Variants in WIPI2 observed in about 807,000 individuals in gnomAD.
WIPI2 encodes WD repeat domain phosphoinositide-interacting protein 2.
A neutral mutation model predicts 52.3 loss-of-function variants in WIPI2; 28 were observed. That is an observed-to-expected ratio of 0.54 (90% CI 0.40 to 0.73). The LOEUF is 0.73. Among genes scored for constraint, WIPI2 ranks in the 30% least tolerant of loss-of-function variants. WIPI2 has a pLI of 0.00. For missense variants in WIPI2, 506 were observed against 602.9 expected (o/e 0.84, Z 1.68); for synonymous variants, 268 against 245.0 (o/e 1.09, Z -0.88).
At chr7:5,219,857 G>T (rs1783015931) in intron 7 of WIPI2, among the ~76,000 whole-genome samples, 2 of 151,504 alleles carry the variant, frequency 1.3e-5, no homozygotes, top group South Asian at 4.2e-4. Flanking sequence ...TTTGAGACAG[G>T]GTCATGCTTG....
chr7:5,225,538 C>T (rs1783386506), intron 8 of WIPI2, among the ~76,000 whole-genome samples: 1 of 152,144 alleles, frequency 6.6e-6, no homozygotes, highest in Non-Finnish European at 1.5e-5. Flanking sequence ...TTTTACTCAC[C>T]TTAGGACTAT....
chr7:5,227,208 G>T lies in WIPI2; in HGVS notation c.877G>T (p.Gly293Trp). ...CCCAGAGGAGCCCACCACCTGGACC[G>T]GGTACTTCGGGAAAGTGCTCATGGC... ...KPPEEPTTWT[G>W]YFGKVLMAST... The change falls in exon 10 of 13, where the codon GGG becomes TGG. Residue 293 changes from glycine (G) to tryptophan (W), a missense_variant. Around this residue, in one of 4 missense-constraint regions of WIPI2, gnomAD observed 237 missense variants for 346.9 expected, o/e 0.68. Transcript: ENST00000288828. This position sits in a 1 kb window ranked among gnomAD's most constrained non-coding sequence, Gnocchi z 8.1. 1 of 1,614,008 alleles carries T rather than the reference G, an allele frequency of 6.2e-7. No homozygotes were observed. The highest frequency in any genetic ancestry group is 8.5e-7 in the Non-Finnish European group (1 of 1,180,020).
chr7:5,224,905 C>T (rs1783351467), intron 8 of WIPI2, among the ~76,000 whole-genome samples: 1 of 152,154 alleles, frequency 6.6e-6, no homozygotes, highest in African/African-American at 2.4e-5. Context: ...TCGTTTGCAC[C>T]TCCCTGACCC....
Position 5,229,667 on chromosome 7 carries a change from C to G in WIPI2, c.1181C>G (p.Pro394Arg). The part of the protein sequence containing the change: ...EILDSASHDC[P>R]LVTQTYGAAA... ...TTGGACTCTGCCTCTCACGACTGCC[C>G]CTTAGTCACTCAGACATACGGCGCA... is the stretch of plus-strand genomic sequence containing the variant. The change falls in exon 12 of 13, where the codon CCC becomes CGC. Residue 394 changes from proline (P) to arginine (R), a missense_variant. Around this residue, in one of 4 missense-constraint regions of WIPI2, gnomAD observed 194 missense variants for 175.1 expected, o/e 1.11. Transcript: ENST00000288828. 1 of 1,614,058 alleles carries G rather than the reference C, an allele frequency of 6.2e-7. No individual in the cohort carries two copies. Among genetic ancestry groups the G allele is most frequent in the South Asian group, 1.1e-5 (1 of 91,058 alleles).
intron 1 of WIPI2, among the ~76,000 whole-genome samples, chr7:5,192,846 C>G (rs577086385): frequency 6.6e-6 from 1 of 152,228 alleles, no homozygotes; most frequent in East Asian, 1.9e-4. Flanking sequence ...AAAGAATGAC[C>G]GTCTAGAACT....
At chr7:5,190,715 A>T (rs953708665) in intron 1 of WIPI2, 1 of 395,734 alleles carries the variant, frequency 2.5e-6, no homozygotes, top group Non-Finnish European at 4.4e-6. Context: ...GGAGCGGGAG[A>T]GGTGGTGGAG....
In WIPI2 at chr7:5,214,682, T is replaced by C; in HGVS notation, c.359T>C (p.Leu120Pro). 1 of 1,614,188 alleles carries C rather than the reference T, an allele frequency of 6.2e-7. No homozygotes were observed. Among genetic ancestry groups the C allele is most frequent in the Non-Finnish European group, 8.5e-7 (1 of 1,180,040 alleles). ...ICNYSYSNTI[L>P]AVKLNRQRLI... is the part of the protein sequence containing the mutation. ...AACTACAGCTACTCCAACACGATTC[T>C]GGCTGTGAAGCTCAACAGGCAGGTG... Residue 120 changes from leucine to proline, a missense_variant, in exon 4 of 13, where the codon CTG becomes CCG. Transcript: ENST00000288828.
intron 3 of WIPI2, among the ~76,000 whole-genome samples, chr7:5,211,574 A>G (rs765954561): frequency 4.6e-5 from 7 of 152,246 alleles, no homozygotes; most frequent in Non-Finnish European, 8.8e-5. Context: ...AGGTGAGTTC[A>G]CAGATACTGA....
At chr7:5,209,110 A>C (rs961202909) in intron 3 of WIPI2, among the ~76,000 whole-genome samples, 2 of 142,564 alleles carry the variant, frequency 1.4e-5, no homozygotes, top group African/African-American at 5.2e-5. Flanking sequence ...AAAGAAAATT[A>C]TTTCACTGAG....
At chr7:5,226,946 A>G in intron 9 of WIPI2, 1 of 542,484 alleles carries the variant, frequency 1.8e-6, no homozygotes, top group Non-Finnish European at 3.3e-6. Context: ...TCCGTGGCCA[A>G]AGGCTGTAGC....
At chr7:5,197,718 G>A (rs1486007110) in intron 2 of WIPI2, among the ~76,000 whole-genome samples, 1 of 152,128 alleles carries the variant, frequency 6.6e-6, no homozygotes, top group East Asian at 1.9e-4. Flanking sequence ...TAAATCACAT[G>A]ATCATTAAAA....
Position 5,218,132 on chromosome 7 carries a change from A to G in WIPI2, c.669+118A>G, listed in dbSNP as rs1234619115. ...TATACTTACCAGCTCCGGGAGAAGCAAAGACAGCCACCCACTTGTCAGGCC... is the reference window on the plus strand; with the variant it reads ...TATACTTACCAGCTCCGGGAGAAGCGAAGACAGCCACCCACTTGTCAGGCC... On this transcript the variant is annotated intron_variant, in intron 7 of 12. Transcript: ENST00000288828. 4 of 1,061,652 alleles carry G rather than the reference A, an allele frequency of 3.8e-6. No homozygotes were observed. The Middle Eastern group carries it at 6.2e-4, about 163-fold the overall frequency. The allele number at this position is 1,061,652 out of a possible 1,614,324, so 65.8% of individuals were successfully genotyped here. A position where few individuals can be genotyped will look rare whatever the true frequency, so the allele number is the denominator to read the frequency against.
At chr7:5,225,981 C>A in intron 9 of WIPI2, 51 bp downstream of exon 9, 1 of 1,532,326 alleles carries the variant, frequency 6.5e-7, no homozygotes, top group Non-Finnish European at 8.9e-7. Context: ...CCCTTTGTCC[C>A]CACTTGCTGC....
intron 3 of WIPI2, among the ~76,000 whole-genome samples, chr7:5,201,572 T>C (rs1171170230): frequency 6.6e-5 from 10 of 152,144 alleles, no homozygotes. Flanking sequence ...GGCAAAACCC[T>C]GTCTCTACTA....
At chr7:5,220,393 C>T (rs1044586523) in intron 7 of WIPI2, among the ~76,000 whole-genome samples, 1 of 151,940 alleles carries the variant, frequency 6.6e-6, no homozygotes, top group South Asian at 2.1e-4. Context: ...CAAGCGCGCG[C>T]CACCACACCC....
intron 3 of WIPI2, among the ~76,000 whole-genome samples, chr7:5,202,876 G>C (rs530212943): frequency 6.6e-6 from 1 of 152,266 alleles, no homozygotes; most frequent in East Asian, 1.9e-4. Context: ...TAAATGAAGG[G>C]TATGGGTTTA....
At chr7:5,228,424 C>T (rs1270596093) in intron 11 of WIPI2, among the ~76,000 whole-genome samples, 1 of 152,250 alleles carries the variant, frequency 6.6e-6, no homozygotes, top group South Asian at 2.1e-4. Flanking sequence ...CGGCTGGTGG[C>T]GTCAGGGCTC....
intron 3 of WIPI2, among the ~76,000 whole-genome samples, chr7:5,199,885 C>G (rs527818142): frequency 2.0e-5 from 3 of 152,206 alleles, no homozygotes; most frequent in Non-Finnish European, 4.4e-5. Context: ...CGAGGGAGCT[C>G]TGTTCATGAG....
chr7:5,216,438 A>C, intron 4 of WIPI2, 125 bp from the exon 5 acceptor site: 1 of 775,152 alleles, frequency 1.3e-6, no homozygotes, highest in Non-Finnish European at 2.1e-6. Context: ...ACTCCAAAAA[A>C]ATAAAATACA....
Sources: gnomAD v4.1 joint callset for allele counts (sites outside exome capture counted in the v4.1 genomes callset) on GRCh38, gnomAD v4.1.1 for gene constraint, gnomAD v4.1.1 regional missense constraint, Gnocchi (gnomAD v3.1) non-coding constraint, MANE v1.5 for transcripts, NCBI Gene and HGNC (gene_info 2026-07-23, HGNC 2026-07-21) for gene names.